SDC3: variants seen among roughly 807,000 people sequenced by gnomAD.
SDC3 encodes syndecan 3, also known as syndecan-3.
A neutral mutation model predicts 24.4 loss-of-function variants in SDC3; 13 were observed. The ratio of observed to expected loss-of-function variants is 0.53; its 90% CI spans 0.35 to 0.85. SDC3 has a LOEUF of 0.85. Among genes scored for constraint, SDC3 ranks in the 40% least tolerant of loss-of-function variants. The pLI, the probability that SDC3 is intolerant of heterozygous loss-of-function variation, is 0.01. For synonymous variants in SDC3, 295 were observed against 260.9 expected, an observed-to-expected ratio of 1.13 and a Z score of -1.26; for missense variants, 571 against 584.5, an observed-to-expected ratio of 0.98 and a Z score of 0.24.
intron 1 of SDC3, among the ~76,000 whole-genome samples, chr1:30,884,940 C>T (rs1639807087): frequency 6.6e-6 from 1 of 152,226 alleles, no homozygotes; most frequent in African/African-American, 2.4e-5. Context: ...TCTCACAAAT[C>T]TACACTGTCT....
chr1:30,894,318 AGTGTGTGGAT>A, intron 1 of SDC3, among the ~76,000 whole-genome samples: 1 of 90,434 alleles, frequency 1.1e-5, no homozygotes, highest in Non-Finnish European at 2.1e-5. Context: ...TGTGTGCATG[AGTGTGTGGAT>A]GAGTGTGTGT....
At chr1:30,898,183 C>A (rs2124339625) in intron 1 of SDC3, among the ~76,000 whole-genome samples, 1 of 152,248 alleles carries the variant, frequency 6.6e-6, no homozygotes, top group South Asian at 2.1e-4. Flanking sequence ...AGCAGTGACC[C>A]CTCGCCGCCA....
At chr1:30,884,804 C>T (rs996699972) in intron 1 of SDC3, among the ~76,000 whole-genome samples, 2 of 152,166 alleles carry the variant, frequency 1.3e-5, no homozygotes, top group Non-Finnish European at 2.9e-5. Context: ...CAAGGAGATC[C>T]AGGACAATGT....
intron 1 of SDC3, among the ~76,000 whole-genome samples, chr1:30,907,702 T>A (rs1454774981): frequency 2.0e-5 from 3 of 152,002 alleles, no homozygotes; most frequent in Admixed American, 2.0e-4. Flanking sequence ...ATCCTTCACC[T>A]GCACACGCCC....
chr1:30,908,871 CG>C (rs199945130), upstream of SDC3: 147,303 of 147,310 alleles, frequency 1, 73,648 homozygotes, highest in Middle Eastern at 1. Flanking sequence ...GCGCCCCCCG[CG>C]GGGCTCCGCG....
chr1:30,904,993 A>T (rs1158623823), intron 1 of SDC3, among the ~76,000 whole-genome samples: 1 of 152,170 alleles, frequency 6.6e-6, no homozygotes, highest in East Asian at 1.9e-4. Context: ...ATCACACAGC[A>T]GGTGTCTGTC....
intron 1 of SDC3, among the ~76,000 whole-genome samples, chr1:30,907,347 C>G (rs1302178680): frequency 6.6e-6 from 1 of 152,172 alleles, no homozygotes; most frequent in Non-Finnish European, 1.5e-5. Context: ...GAGCTGGGAC[C>G]AAGCATGGCT....
chr1:30,900,686 G>A (rs529019189), intron 1 of SDC3, among the ~76,000 whole-genome samples: 10 of 152,114 alleles, frequency 6.6e-5, no homozygotes, highest in East Asian at 1.9e-4. Flanking sequence ...CTAATGAGCC[G>A]CCCACAGCCC....
At chr1:30,889,137 TGGG>T (rs1639871549) in intron 1 of SDC3, among the ~76,000 whole-genome samples, 1 of 152,236 alleles carries the variant, frequency 6.6e-6, no homozygotes, top group Non-Finnish European at 1.5e-5. Flanking sequence ...TACGCGACTC[TGGG>T]CAAGTCAGTC....
rs372459665 is a variant in SDC3, at chr1:30,876,637, G to A, written c.785C>T (p.Pro262Leu). ...ATSRPRALPR[P>L]ATTQEPDIPE... Reference sequence around the variant, plus strand: ...GATGTCAGGCTCCTGGGTGGTGGCCGGCCTGGGAAGGGCTCTTGGCCGGGA... The same window carrying A: ...GATGTCAGGCTCCTGGGTGGTGGCCAGCCTGGGAAGGGCTCTTGGCCGGGA... Residue 262 changes from proline (P) to leucine (L), a missense_variant, in exon 3 of 5, where the codon CCG becomes CTG. Pro to Leu is a moderately conservative substitution (Grantham distance 98, BLOSUM62 -3). Coordinates refer to ENST00000339394, the MANE Select transcript of SDC3 (RefSeq NM_014654.4). 94 of 1,582,122 alleles carry A rather than the reference G, an allele frequency of 5.9e-5. No individual in the cohort carries two copies. The highest frequency in any genetic ancestry group is 7.3e-5 in the Admixed American group (4 of 54,964).
chr1:30,876,494 TC>T, intron 3 of SDC3, 57 bp downstream of exon 3: 1 of 1,406,934 alleles, frequency 7.1e-7, no homozygotes, highest in South Asian at 1.6e-5. Context: ...ATCCTCCTCA[TC>T]CCTCCCCTGA....
chr1:30,885,227 T>G (rs1639810940), intron 1 of SDC3, among the ~76,000 whole-genome samples: 1 of 152,184 alleles, frequency 6.6e-6, no homozygotes, highest in Admixed American at 6.5e-5. Flanking sequence ...ATTAACAAAT[T>G]GCTCAGTAAA....
intron 1 of SDC3, among the ~76,000 whole-genome samples, chr1:30,895,810 G>A (rs1346195375): frequency 5.0e-5 from 7 of 141,116 alleles, no homozygotes; most frequent in Non-Finnish European, 1.1e-4. Context: ...CAAGATAAGG[G>A]CCTCTAGGGA....
At position 30,872,905 on chromosome 1, in the gene SDC3, C is replaced by T. The variant is rs981553679; in HGVS notation, c.*306G>A. On this transcript the variant is annotated 3_prime_UTR_variant, in exon 5 of 5. Coordinates refer to ENST00000339394, the MANE Select transcript of SDC3 (RefSeq NM_014654.4). Reference sequence around the variant, plus strand: ...TCAAGCCCCACCCTTTCTTCCACCACCAGCCAATCAGGAGCTTTCTTCCTC... The same window carrying T: ...TCAAGCCCCACCCTTTCTTCCACCATCAGCCAATCAGGAGCTTTCTTCCTC... 2.7e-6 allele frequency: 1 copy of T among 377,094 alleles called. No homozygotes were observed. The highest frequency in any genetic ancestry group is 2.0e-5 in the African/African-American group (1 of 49,290). The allele number at this position is 377,094 out of a possible 1,614,324, so 23.4% of individuals were successfully genotyped here.
intron 1 of SDC3, among the ~76,000 whole-genome samples, chr1:30,902,902 T>C (rs1638443671): frequency 6.6e-6 from 1 of 152,258 alleles, no homozygotes; most frequent in Non-Finnish European, 1.5e-5. Flanking sequence ...CTGGGCTCCA[T>C]AGCTCACAGT....
chr1:30,883,847 T>C (rs1639781317), intron 1 of SDC3, among the ~76,000 whole-genome samples: 2 of 152,108 alleles, frequency 1.3e-5, no homozygotes, highest in Admixed American at 1.3e-4. Flanking sequence ...ACGTAACTAC[T>C]AGCTCCTCGA....
chr1:30,894,784 T>A (rs1639977095), intron 1 of SDC3, among the ~76,000 whole-genome samples: 1 of 151,868 alleles, frequency 6.6e-6, no homozygotes, highest in South Asian at 2.1e-4. Flanking sequence ...TCCAAGCACA[T>A]TCAGGGGTAT....
rs147131816 is a variant in SDC3, at chr1:30,879,181, C to T, written c.139-441G>A. 9.3e-4 allele frequency among the ~76,000 whole-genome samples: 141 copies of T among 152,176 alleles called. 1 individual carries two copies. The highest frequency in any genetic ancestry group is 2.2e-3 in the Admixed American group (33 of 15,288). On this transcript the variant is annotated intron_variant, in intron 1 of 4. Transcript: ENST00000339394. ...CTCTCACCCCCTGCCACTGATGGGC[C>T]CCCTTCTGGAGTTGATACAGAGCCA...
At chr1:30,895,634 T>C (rs761994203) in intron 1 of SDC3, among the ~76,000 whole-genome samples, 10 of 152,156 alleles carry the variant, frequency 6.6e-5, no homozygotes, top group South Asian at 2.1e-4. Flanking sequence ...AACTGTGAGT[T>C]CTGGGGCCGG....
Sources: gnomAD v4.1 joint callset for allele counts (sites outside exome capture counted in the v4.1 genomes callset) on GRCh38, gnomAD v4.1.1 for gene constraint, MANE v1.5 for transcripts, NCBI Gene and HGNC (gene_info 2026-07-23, HGNC 2026-07-21) for gene names.